ANK3: variants seen among roughly 807,000 people sequenced by gnomAD.
ANK3 encodes the protein ankyrin 3.
A neutral mutation model predicts 370.9 loss-of-function variants in ANK3; 57 were observed. The ratio of observed to expected loss-of-function variants is 0.15; its 90% CI spans 0.12 to 0.19. The LOEUF (loss-of-function observed/expected upper bound fraction) is 0.19, where lower values mean the gene tolerates loss of function less well. Ranked by LOEUF, ANK3 falls within the 10% of genes least tolerant of loss-of-function variation. The pLI, the probability that ANK3 is intolerant of heterozygous loss-of-function variation, is 1.00. For synonymous variants in ANK3, 1,929 were observed against 1,946.3 expected, an observed-to-expected ratio of 0.99 and a Z score of 0.23; for missense variants, 4,439 against 5,302.1, an observed-to-expected ratio of 0.84 and a Z score of 5.06.
At chr10:60,490,537 A>G (rs138195261) in intron 2 of ANK3, among the ~76,000 whole-genome samples, 1 of 152,282 alleles carries the variant, frequency 6.6e-6, no homozygotes, top group Non-Finnish European at 1.5e-5. Flanking sequence ...TATCATTTAC[A>G]GCTACACATC....
intron 2 of ANK3, among the ~76,000 whole-genome samples, chr10:60,439,545 C>T (rs748651320): frequency 6.6e-6 from 1 of 151,966 alleles, no homozygotes; most frequent in African/African-American, 2.4e-5. Context: ...AAACACAGAC[C>T]GTGTTTGAGA....
chr10:60,579,977 A>G (rs1394830408), intron 2 of ANK3, among the ~76,000 whole-genome samples: 2 of 152,200 alleles, frequency 1.3e-5, no homozygotes, highest in Admixed American at 6.5e-5. Flanking sequence ...ACATTCCTCA[A>G]TGAGGTATAA....
intron 2 of ANK3, among the ~76,000 whole-genome samples, chr10:60,510,725 C>G (rs1338379889): frequency 6.6e-6 from 1 of 152,006 alleles, no homozygotes; most frequent in East Asian, 1.9e-4. Context: ...GAGGCTGAAA[C>G]ATGTGAATTG....
intron 1 of ANK3, among the ~76,000 whole-genome samples, chr10:60,346,401 A>T (rs1251514909): frequency 6.6e-6 from 1 of 152,158 alleles, no homozygotes; most frequent in Non-Finnish European, 1.5e-5. Flanking sequence ...GAAACCCTTC[A>T]ATCAAAACTA....
At chr10:60,650,366 CAAAAAAAAA>C (rs869281312) in intron 1 of ANK3, among the ~76,000 whole-genome samples, 1 of 27,220 alleles carries the variant, frequency 3.7e-5, no homozygotes, top group African/African-American at 1.1e-4. Context: ...TACTACTTTA[CAAAAAAAAA>C]AAAAAAAAAA....
At chr10:60,419,843 C>T (rs943671497) in intron 2 of ANK3, among the ~76,000 whole-genome samples, 77 of 152,256 alleles carry the variant, frequency 5.1e-4, no homozygotes, top group African/African-American at 1.8e-3. Context: ...CAGTATTCAT[C>T]TGTGGTAGTC....
intron 2 of ANK3, among the ~76,000 whole-genome samples, chr10:60,474,866 G>T (rs965142499): frequency 6.6e-6 from 1 of 152,096 alleles, no homozygotes; most frequent in East Asian, 1.9e-4. Flanking sequence ...TTATTTCTAA[G>T]TAGTGGGAAT....
In ANK3 at chr10:60,457,096, T is replaced by G. The variant is rs370267768; in HGVS notation, c.96+158090A>C. 1.6e-3 allele frequency among the ~76,000 whole-genome samples: 237 copies of G among 152,238 alleles called. 1 individual carries two copies. Among genetic ancestry groups the G allele is most frequent in the African/African-American group, 5.3e-3 (222 of 41,552 alleles). On this transcript the variant is annotated intron_variant, in intron 2 of 43. Coordinates refer to the ANK3 transcript ENST00000373827. Reference sequence around the variant, plus strand: ...AGGAAGTTGGGCCTGTAAGACAGCCTTAAGTCTCTCTACCTTGACTTTAAC... The same window carrying G: ...AGGAAGTTGGGCCTGTAAGACAGCCGTAAGTCTCTCTACCTTGACTTTAAC...
At chr10:60,444,175 T>C (rs2064374740) in intron 2 of ANK3, among the ~76,000 whole-genome samples, 2 of 152,132 alleles carry the variant, frequency 1.3e-5, no homozygotes, top group East Asian at 3.8e-4. Context: ...TTATATCCAT[T>C]TATTGTGTAT....
chr10:60,435,980 C>A (rs1215804883), intron 2 of ANK3, among the ~76,000 whole-genome samples: 1 of 151,880 alleles, frequency 6.6e-6, no homozygotes, highest in East Asian at 1.9e-4. Context: ...CCAGCTTACT[C>A]GGGAGGCTGA....
chr10:60,126,769 T>C (rs2093783909), intron 25 of ANK3, among the ~76,000 whole-genome samples: 1 of 152,182 alleles, frequency 6.6e-6, no homozygotes, highest in Non-Finnish European at 1.5e-5. Context: ...TTCTCTTTTG[T>C]TAATATTGGA....
intron 1 of ANK3, among the ~76,000 whole-genome samples, chr10:60,374,022 G>T (rs1460289117): frequency 6.6e-6 from 1 of 152,130 alleles, no homozygotes; most frequent in Non-Finnish European, 1.5e-5. Context: ...CTACAGGACA[G>T]TGTCAAGGGA....
chr10:60,347,514 C>T (rs976668982), intron 1 of ANK3, among the ~76,000 whole-genome samples: 15 of 151,946 alleles, frequency 9.9e-5, no homozygotes, highest in African/African-American at 3.6e-4. Context: ...CACCTAACAC[C>T]TCTGAATCTC....
At chr10:60,412,367 T>G (rs1231084715) in intron 2 of ANK3, among the ~76,000 whole-genome samples, 1 of 152,150 alleles carries the variant, frequency 6.6e-6, no homozygotes, top group East Asian at 1.9e-4. Context: ...AACTGCTACA[T>G]CCATCTTCTC....
intron 2 of ANK3, among the ~76,000 whole-genome samples, chr10:60,601,405 A>G (rs1310856692): frequency 6.6e-6 from 1 of 152,158 alleles, no homozygotes; most frequent in Non-Finnish European, 1.5e-5. Flanking sequence ...TCACGATGAC[A>G]GCAGATAATC....
chr10:60,407,147 A>C (rs2063472522), intron 2 of ANK3, among the ~76,000 whole-genome samples: 2 of 152,198 alleles, frequency 1.3e-5, no homozygotes, highest in Non-Finnish European at 2.9e-5. Flanking sequence ...AACTAGAGCA[A>C]ACAAATTGGT....
intron 2 of ANK3, among the ~76,000 whole-genome samples, chr10:60,460,191 C>T (rs1372893468): frequency 6.6e-6 from 1 of 152,162 alleles, no homozygotes; most frequent in Non-Finnish European, 1.5e-5. Context: ...AGCCAAGCAG[C>T]AGAAACACCT....
At chr10:60,332,540 C>T (rs2051622149) in intron 1 of ANK3, among the ~76,000 whole-genome samples, 1 of 152,080 alleles carries the variant, frequency 6.6e-6, no homozygotes, top group East Asian at 1.9e-4. Context: ...TCCCAGTTGG[C>T]CCAGTGAGAG....
intron 2 of ANK3, among the ~76,000 whole-genome samples, chr10:60,405,040 A>T (rs1043288364): frequency 6.6e-6 from 1 of 152,198 alleles, no homozygotes; most frequent in Non-Finnish European, 1.5e-5. Flanking sequence ...GTTGGCAAGG[A>T]TGTAAAACAA....
Sources: gnomAD v4.1 joint callset for allele counts (sites outside exome capture counted in the v4.1 genomes callset) on GRCh38, gnomAD v4.1.1 for gene constraint, MANE v1.5 for transcripts, NCBI Gene and HGNC (gene_info 2026-07-23, HGNC 2026-07-21) for gene names.